Variants in DLG2 observed in about 807,000 individuals in gnomAD.
DLG2 encodes the protein disks large homolog 2.
Under a neutral mutation model 132.5 loss-of-function variants are expected in DLG2, and 45 were observed. The ratio of observed to expected loss-of-function variants is 0.34; its 90% CI spans 0.27 to 0.44. The LOEUF is 0.44. Ranked by LOEUF, DLG2 falls within the 20% of genes least tolerant of loss-of-function variation. DLG2 has a pLI of 1.00. For synonymous variants in DLG2, 424 were observed against 419.6 expected (o/e 1.01, Z -0.13); for missense variants, 1,045 against 1,196.9 (o/e 0.87, Z 1.87).
At chr11:83,516,132 G>C (rs1440133536) in intron 21 of DLG2, among the ~76,000 whole-genome samples, 2 of 152,158 alleles carry the variant, frequency 1.3e-5, no homozygotes, top group Non-Finnish European at 2.9e-5. Flanking sequence ...GAGTGTTAAA[G>C]TCTTCCATTA....
At chr11:84,491,840 C>T (rs1393691981) in intron 7 of DLG2, among the ~76,000 whole-genome samples, 3 of 152,086 alleles carry the variant, frequency 2.0e-5, no homozygotes, top group South Asian at 4.1e-4. Flanking sequence ...ATGTGTTTTA[C>T]CTAATACACT....
intron 11 of DLG2, among the ~76,000 whole-genome samples, chr11:84,024,019 G>A (rs1428073056): frequency 2.0e-5 from 3 of 151,984 alleles, no homozygotes; most frequent in Non-Finnish European, 4.4e-5. Context: ...TACTGGCAAG[G>A]CTTCCTGTCA....
chr11:84,947,830 C>A (rs1458936566), intron 6 of DLG2, among the ~76,000 whole-genome samples: 1 of 152,164 alleles, frequency 6.6e-6, no homozygotes, highest in Admixed American at 6.5e-5. Context: ...CTTTTACTCT[C>A]ATAAGTGTCC....
intron 4 of DLG2, among the ~76,000 whole-genome samples, chr11:85,181,833 A>G (rs538131321): frequency 1.3e-5 from 2 of 151,706 alleles, no homozygotes; most frequent in East Asian, 1.9e-4. Flanking sequence ...TCCTAGATAA[A>G]AGATCCTAAC....
intron 6 of DLG2, among the ~76,000 whole-genome samples, chr11:85,017,366 T>TTC (rs35045347): frequency 0.71 from 106,342 of 150,348 alleles, 38,456 homozygotes; most frequent in East Asian, 0.91. Flanking sequence ...CTTTTTTTTT[T>TTC]ATTCCTTTCT....
chr11:84,258,949 C>CTAT (rs1486007745), intron 7 of DLG2, among the ~76,000 whole-genome samples: 1 of 152,122 alleles, frequency 6.6e-6, no homozygotes, highest in Non-Finnish European at 1.5e-5. Context: ...TCCAGTTAAC[C>CTAT]TATTTCTCAA....
chr11:85,470,110 C>T (rs1463473403), intron 3 of DLG2, among the ~76,000 whole-genome samples: 1 of 151,150 alleles, frequency 6.6e-6, no homozygotes, highest in Non-Finnish European at 1.5e-5. Context: ...GCTGTTCCTT[C>T]TGCCTAGAAT....
At chr11:84,671,573 T>C (rs934152844) in intron 6 of DLG2, among the ~76,000 whole-genome samples, 1 of 152,174 alleles carries the variant, frequency 6.6e-6, no homozygotes, top group African/African-American at 2.4e-5. Flanking sequence ...TTCCTGTTCC[T>C]GTTAAACAGA....
intron 9 of DLG2, among the ~76,000 whole-genome samples, chr11:84,151,553 T>C (rs552791664): frequency 6.6e-6 from 1 of 152,312 alleles, no homozygotes; most frequent in South Asian, 2.1e-4. Context: ...TTTATTCACT[T>C]CTGCTCTGAT....
At chr11:84,404,626 T>C (rs767478596) in intron 7 of DLG2, among the ~76,000 whole-genome samples, 9 of 152,134 alleles carry the variant, frequency 5.9e-5, no homozygotes, top group Non-Finnish European at 1.0e-4. Context: ...ATGTACAGGA[T>C]GATTGAAAGT....
intron 6 of DLG2, among the ~76,000 whole-genome samples, chr11:84,885,444 C>A (rs970301750): frequency 6.6e-6 from 1 of 152,026 alleles, no homozygotes; most frequent in African/African-American, 2.4e-5. Flanking sequence ...AAGTGATCCT[C>A]CTGCCTCAGC....
chr11:84,443,066 T>A (rs2099022397), intron 7 of DLG2, among the ~76,000 whole-genome samples: 1 of 152,138 alleles, frequency 6.6e-6, no homozygotes, highest in South Asian at 2.1e-4. Flanking sequence ...TTCCAAATAA[T>A]AAACCCACTA....
At chr11:84,330,941 C>T (rs1221442314) in intron 7 of DLG2, among the ~76,000 whole-genome samples, 3 of 152,130 alleles carry the variant, frequency 2.0e-5, no homozygotes, top group Non-Finnish European at 4.4e-5. Context: ...GGTGTCAGCA[C>T]AAAATTTGCA....
At chr11:84,629,898 T>A (rs1255378855) in intron 6 of DLG2, among the ~76,000 whole-genome samples, 1 of 152,154 alleles carries the variant, frequency 6.6e-6, no homozygotes, top group Non-Finnish European at 1.5e-5. Context: ...GTTCCTCTAC[T>A]TTTTTCTCAT....
intron 3 of DLG2, among the ~76,000 whole-genome samples, chr11:85,311,995 ACT>A (rs2080344579): frequency 6.6e-6 from 1 of 151,832 alleles, no homozygotes; most frequent in South Asian, 2.1e-4. Flanking sequence ...GTTTTTCATG[ACT>A]CTGTCCTGTG....
rs1555532661 is a variant in DLG2, at chr11:84,373,257, A to AAAAAAAC, written c.520-121967_520-121966insGTTTTTT. On this transcript the variant is annotated intron_variant, in intron 7 of 27. Transcript: ENST00000376104. Reference sequence around the variant, plus strand: ...TCCAATTAAGAAACAGTCAAAAAAAAAAAAAAACAAAACAAAAAAAAAACC... The same window carrying AAAAAAAC: ...TCCAATTAAGAAACAGTCAAAAAAAAAAAAAACAAAAAAACAAAACAAAAAAAAAACC... Among the ~76,000 whole-genome samples the AAAAAAAC allele has an allele frequency of 7.5e-4, 71 of 95,140 alleles. 4 individuals are homozygous for AAAAAAAC. The highest frequency in any genetic ancestry group is 2.8e-3 in the Admixed American group (27 of 9,684). The allele number at this position is 95,140 out of a possible 152,430, so 62.4% of individuals were successfully genotyped here. A position where few individuals can be genotyped will look rare whatever the true frequency, so the allele number is the denominator to read the frequency against.
intron 18 of DLG2, among the ~76,000 whole-genome samples, chr11:83,747,097 T>C (rs959946405): frequency 6.6e-5 from 10 of 152,008 alleles, no homozygotes; most frequent in African/African-American, 2.4e-4. Context: ...TGAGGAGAAG[T>C]GGTGGGAGGT....
At chr11:85,109,450 T>C (rs1032059416) in intron 6 of DLG2, among the ~76,000 whole-genome samples, 1 of 152,076 alleles carries the variant, frequency 6.6e-6, no homozygotes, top group Middle Eastern at 3.2e-3. Context: ...TATTTGTTCC[T>C]AAGGTTCTAC....
At chr11:84,956,301 GAA>G (rs2051655178) in intron 6 of DLG2, among the ~76,000 whole-genome samples, 2 of 152,160 alleles carry the variant, frequency 1.3e-5, no homozygotes, top group African/African-American at 4.8e-5. Flanking sequence ...AAATTAAAAA[GAA>G]AGAAAAGAAG....
Sources: gnomAD v4.1 joint callset for allele counts (sites outside exome capture counted in the v4.1 genomes callset) on GRCh38, gnomAD v4.1.1 for gene constraint, MANE v1.5 for transcripts, NCBI Gene and HGNC (gene_info 2026-07-23, HGNC 2026-07-21) for gene names.